TCF7L2: variants seen among roughly 807,000 people sequenced by gnomAD.
TCF7L2 encodes the protein transcription factor 7 like 2.
TCF7L2 carries 23 observed loss-of-function variants against 77.9 expected under a neutral mutation model. The observed-to-expected ratio is 0.30, with a 90% confidence interval of 0.21 to 0.42. TCF7L2 has a LOEUF of 0.42. Ranked by LOEUF, TCF7L2 falls within the 10% of genes least tolerant of loss-of-function variation. The pLI, the probability that TCF7L2 is intolerant of heterozygous loss-of-function variation, is 1.00. For missense variants in TCF7L2, 654 were observed against 793.1 expected (o/e 0.82, Z 2.11); for synonymous variants, 413 against 340.2 (o/e 1.21, Z -2.36).
intron 5 of TCF7L2, among the ~76,000 whole-genome samples, chr10:113,060,612 G>A (rs1458804816): frequency 6.6e-6 from 1 of 152,030 alleles, no homozygotes; most frequent in Non-Finnish European, 1.5e-5. Flanking sequence ...CTTCCTGTCA[G>A]TCAGGAAGTC....
At chr10:112,959,571 G>A (rs1564710683) in intron 3 of TCF7L2, among the ~76,000 whole-genome samples, 2 of 152,158 alleles carry the variant, frequency 1.3e-5, no homozygotes, top group East Asian at 1.9e-4. Flanking sequence ...TTAAGTTATT[G>A]TTTAGGGATG....
At chr10:113,027,615 A>C (rs2049418329) in intron 4 of TCF7L2, among the ~76,000 whole-genome samples, 1 of 152,168 alleles carries the variant, frequency 6.6e-6, no homozygotes, top group Admixed American at 6.5e-5. Flanking sequence ...AAGTGGACAA[A>C]ACTGTATTTC....
rs1294055868 is a variant in TCF7L2 at position 113,151,379 on chromosome 10, C to T, written c.1001+256C>T. On this transcript the variant is annotated intron_variant, in intron 9 of 13. Transcript: ENST00000627217. The surrounding 1 kb of genome is among the most constrained non-coding windows in gnomAD (Gnocchi z 5.2). ...TTGGATACACTGGGATTTGCAACCA[C>T]TTCCCTGCCCCCTAACCGCATCATT... 1.3e-5 allele frequency among the ~76,000 whole-genome samples: 2 copies of T among 152,082 alleles called. No individual in the cohort carries two copies. The highest frequency in any genetic ancestry group is 2.9e-5 in the Non-Finnish European group (2 of 68,026).
chr10:113,108,508 TAAGAA>T (rs1256384951), intron 5 of TCF7L2, among the ~76,000 whole-genome samples: 1 of 152,164 alleles, frequency 6.6e-6, no homozygotes, highest in African/African-American at 2.4e-5. Flanking sequence ...TTCTCAGTAT[TAAGAA>T]AAGGAGTAGG....
intron 5 of TCF7L2, among the ~76,000 whole-genome samples, chr10:113,044,716 A>G (rs1442044067): frequency 6.6e-6 from 1 of 152,228 alleles, no homozygotes; most frequent in Non-Finnish European, 1.5e-5. Flanking sequence ...GGTTGGCCCA[A>G]TGAAGGGATA....
At chr10:113,074,797 C>T (rs1223707650) in intron 5 of TCF7L2, among the ~76,000 whole-genome samples, 1 of 152,138 alleles carries the variant, frequency 6.6e-6, no homozygotes. Flanking sequence ...TTTTGTTCCC[C>T]AGGAGACATC....
At chr10:113,061,582 T>C (rs141642062) in intron 5 of TCF7L2, among the ~76,000 whole-genome samples, 1 of 152,294 alleles carries the variant, frequency 6.6e-6, no homozygotes, top group Non-Finnish European at 1.5e-5. Flanking sequence ...CACACAAATA[T>C]TTCACACGTT....
At chr10:113,032,898 T>C (rs1348531776) in intron 4 of TCF7L2, among the ~76,000 whole-genome samples, 1 of 152,202 alleles carries the variant, frequency 6.6e-6, no homozygotes, top group Non-Finnish European at 1.5e-5. Context: ...TAAAAATATT[T>C]ATGAGAAAAA....
intron 5 of TCF7L2, among the ~76,000 whole-genome samples, chr10:113,043,753 AT>A (rs1165032470): frequency 1.3e-5 from 2 of 152,002 alleles, no homozygotes; most frequent in African/African-American, 4.8e-5. Context: ...GAGTTTTGAA[AT>A]TTATATTTTT....
intron 11 of TCF7L2, among the ~76,000 whole-genome samples, chr10:113,154,072 C>T (rs922218574): frequency 2.0e-5 from 3 of 152,216 alleles, no homozygotes; most frequent in African/African-American, 4.8e-5. Flanking sequence ...GAGCCCTTGT[C>T]GCCGACAGAT....
At chr10:113,090,452 T>A (rs1359494374) in intron 5 of TCF7L2, among the ~76,000 whole-genome samples, 1 of 152,226 alleles carries the variant, frequency 6.6e-6, no homozygotes, top group Non-Finnish European at 1.5e-5. Flanking sequence ...GTAATACATA[T>A]GTACATAAGT....
Position 113,165,683 on chromosome 10 carries a change from C to G in TCF7L2, c.1520C>G (p.Ala507Gly), listed in dbSNP as rs2074001519. The stretch of plus-strand genomic sequence containing the variant: ...CTGCTAGGCTCCCCTCCCCGAGACG[C>G]CAAGTCACAGACTGAGCAGACCCAG... The change falls in exon 14 of 14, where the codon GCC becomes GGC. Residue 507 changes from alanine to glycine, a missense_variant. This residue lies in a region of TCF7L2 where 272 missense variants were observed against 215.4 expected (regional missense o/e 1.26). Coordinates refer to ENST00000627217, the MANE Select transcript of TCF7L2 (RefSeq NM_001146274.2). The G allele has an allele frequency of 1.2e-6, 2 of 1,611,234 alleles. No homozygotes were observed. Among genetic ancestry groups the G allele is most frequent in the Non-Finnish European group, 1.7e-6 (2 of 1,178,802 alleles).
intron 5 of TCF7L2, among the ~76,000 whole-genome samples, chr10:113,063,335 C>T (rs1469140232): frequency 2.0e-5 from 3 of 152,140 alleles, no homozygotes; most frequent in East Asian, 3.9e-4. Flanking sequence ...TCATGGGCTT[C>T]GGGGGCCACC....
At chr10:112,980,095 T>A (rs2040201627) in intron 4 of TCF7L2, among the ~76,000 whole-genome samples, 1 of 152,192 alleles carries the variant, frequency 6.6e-6, no homozygotes, top group Non-Finnish European at 1.5e-5. Flanking sequence ...GGGGACTCTG[T>A]CTGGTTTGGC....
chr10:113,159,851 C>CTCTT (rs376346115), intron 12 of TCF7L2, 69 bp from the exon 14 acceptor site: 1,234 of 210,766 alleles, frequency 5.9e-3, no homozygotes, highest in East Asian at 0.018. Context: ...CCCCCTCTTT[C>CTCTT]TCTCTCTCTC....
chr10:113,073,817 C>T (rs1364093030), intron 5 of TCF7L2, among the ~76,000 whole-genome samples: 1 of 152,246 alleles, frequency 6.6e-6, no homozygotes, highest in Non-Finnish European at 1.5e-5. Context: ...ACCGGACTGC[C>T]TGGCCCTGCT....
chr10:113,148,913 C>T (rs2070105624), intron 8 of TCF7L2, among the ~76,000 whole-genome samples: 1 of 152,182 alleles, frequency 6.6e-6, no homozygotes, highest in South Asian at 2.1e-4. Context: ...AAAATGTACT[C>T]AGATTGTGGT....
intron 5 of TCF7L2, among the ~76,000 whole-genome samples, chr10:113,138,732 T>C (rs922285697): frequency 1.4e-4 from 22 of 152,226 alleles, no homozygotes; most frequent in African/African-American, 4.8e-4. Flanking sequence ...TCAGAACCCA[T>C]GGCTCTTTGC....
At chr10:113,129,042 C>T (rs559527373) in intron 5 of TCF7L2, among the ~76,000 whole-genome samples, 6 of 152,096 alleles carry the variant, frequency 3.9e-5, no homozygotes, top group Non-Finnish European at 7.4e-5. Context: ...GGAATACTAG[C>T]GAGCCCAGGA....
Sources: gnomAD v4.1 joint callset for allele counts (sites outside exome capture counted in the v4.1 genomes callset) on GRCh38, gnomAD v4.1.1 for gene constraint, gnomAD v4.1.1 regional missense constraint, Gnocchi (gnomAD v3.1) non-coding constraint, MANE v1.5 for transcripts, NCBI Gene and HGNC (gene_info 2026-07-23, HGNC 2026-07-21) for gene names.